The following COL5A2 variants were observed in gnomAD, a reference collection of about 807,000 sequenced individuals.
COL5A2 encodes collagen type V alpha 2 chain, also known as collagen alpha-2(V) chain.
COL5A2 carries 23 observed loss-of-function variants against 208.2 expected under a neutral mutation model. The observed-to-expected ratio is 0.11, with a 90% CI of 0.08 to 0.16. The LOEUF is 0.16. Among genes scored for constraint, COL5A2 ranks in the 10% least tolerant of loss-of-function variants. The pLI is 1.00. For missense variants in COL5A2, 1,590 were observed against 1,956.4 expected (o/e 0.81, Z 3.53); for synonymous variants, 625 against 628.5 (o/e 0.99, Z 0.08).
the COL5A2 span, among the ~76,000 whole-genome samples, chr2:189,269,450 C>T: frequency 4.0e-5 from 6 of 151,882 alleles, no homozygotes; most frequent in East Asian, 1.9e-4. Flanking sequence ...AGGATGAAAG[C>T]GCGTTGAATT....
intron 24 of COL5A2, 43 bp downstream of exon 24, chr2:189,064,961 A>T: frequency 1.3e-6 from 2 of 1,594,406 alleles, no homozygotes; most frequent in South Asian, 1.1e-5. Context: ...CATCTTCTGG[A>T]GCACCCCCCA....
chr2:189,262,972 C>T, the COL5A2 span, among the ~76,000 whole-genome samples: 3 of 152,024 alleles, frequency 2.0e-5, no homozygotes, highest in Admixed American at 2.0e-4. Flanking sequence ...AAATTTATTA[C>T]ATATTAAAAC....
the COL5A2 span, among the ~76,000 whole-genome samples, chr2:189,317,880 G>A: frequency 1.3e-5 from 2 of 152,058 alleles, no homozygotes; most frequent in African/African-American, 2.4e-5. Flanking sequence ...TGACTAGCTG[G>A]TATTCAAAAT....
chr2:189,053,455 G>A lies in COL5A2; in HGVS notation c.2522C>T (p.Pro841Leu), dbSNP rs2105565020. Residue 841 changes from proline to leucine, a missense_variant, in exon 38 of 54, where the codon CCA becomes CTA. Physicochemically the swap from Pro to Leu is moderately conservative, Grantham distance 98 (BLOSUM62 -3). Transcript: ENST00000374866. ...GNPGSRGENG[P>L]TGAVGFAGPQ... ...TCCGGCAAAACCAACAGCTCCAGTT[G>A]GCCCATTTTCACCTCGAGAACCCTA... 1 of 1,613,764 alleles carries A rather than the reference G, an allele frequency of 6.2e-7. No homozygotes were observed. Among genetic ancestry groups the A allele is most frequent in the Non-Finnish European group, 8.5e-7 (1 of 1,179,844 alleles).
At chr2:189,252,545 A>G in the COL5A2 span, among the ~76,000 whole-genome samples, 1 of 151,508 alleles carries the variant, frequency 6.6e-6, no homozygotes, top group African/African-American at 2.4e-5. Context: ...TCTCACTCAC[A>G]GGTGGGAATT....
chr2:189,271,989 T>A, the COL5A2 span, among the ~76,000 whole-genome samples: 3 of 152,246 alleles, frequency 2.0e-5, no homozygotes, highest in South Asian at 2.1e-4. Flanking sequence ...AGAATGGCGA[T>A]CATTAAAAAG....
the COL5A2 span, among the ~76,000 whole-genome samples, chr2:189,424,158 T>TA: frequency 6.6e-6 from 1 of 152,172 alleles, no homozygotes; most frequent in African/African-American, 2.4e-5. Context: ...TTTTAATGAT[T>TA]AAAAAACTGT....
chr2:189,362,364 C>A, the COL5A2 span, among the ~76,000 whole-genome samples: 19 of 152,194 alleles, frequency 1.2e-4, no homozygotes, highest in Non-Finnish European at 1.6e-4. Context: ...CAACTTACAC[C>A]TAAAACAGAT....
At chr2:189,140,610 C>G (rs542093123) in intron 1 of COL5A2, among the ~76,000 whole-genome samples, 2 of 152,212 alleles carry the variant, frequency 1.3e-5, no homozygotes, top group East Asian at 3.9e-4. Context: ...TCAAAATGTA[C>G]AAAGCTATAG....
chr2:189,435,076 A>C, the COL5A2 span, among the ~76,000 whole-genome samples: 1 of 152,248 alleles, frequency 6.6e-6, no homozygotes, highest in Non-Finnish European at 1.5e-5. Flanking sequence ...GAAATGGGGA[A>C]AGGATTCCCT....
intron 10 of COL5A2, 92 bp downstream of exon 10, chr2:189,085,627 G>A: frequency 9.4e-7 from 1 of 1,061,650 alleles, no homozygotes; most frequent in Admixed American, 1.8e-5. Context: ...CTACATTAGG[G>A]AGGACCTGGG....
intron 23 of COL5A2, 76 bp downstream of exon 23, chr2:189,066,314 T>G: frequency 7.5e-7 from 1 of 1,338,372 alleles, no homozygotes; most frequent in Middle Eastern, 1.9e-4. Context: ...ACTGTTCTAG[T>G]TTTCCTTACT....
chr2:189,116,931 T>A (rs1269910646), intron 1 of COL5A2, among the ~76,000 whole-genome samples: 3 of 152,212 alleles, frequency 2.0e-5, no homozygotes, highest in Non-Finnish European at 2.9e-5. Flanking sequence ...TCAATGCATT[T>A]CAGTGAGCAT....
chr2:189,404,962 T>C, the COL5A2 span, among the ~76,000 whole-genome samples: 3 of 152,198 alleles, frequency 2.0e-5, no homozygotes, highest in African/African-American at 7.2e-5. Context: ...TTACTACCTA[T>C]GTGATTTTGG....
chr2:189,366,727 G>T, the COL5A2 span, among the ~76,000 whole-genome samples: 1 of 152,322 alleles, frequency 6.6e-6, no homozygotes, highest in East Asian at 1.9e-4. Context: ...TTTATGGCAA[G>T]CTGACTGAAG....
the COL5A2 span, among the ~76,000 whole-genome samples, chr2:189,321,311 T>C: frequency 6.6e-6 from 1 of 152,144 alleles, no homozygotes; most frequent in South Asian, 2.1e-4. Flanking sequence ...AATTCACACA[T>C]AACAATATTA....
At chr2:189,378,930 T>C in the COL5A2 span, among the ~76,000 whole-genome samples, 32 of 152,316 alleles carry the variant, frequency 2.1e-4, no homozygotes, top group African/African-American at 7.0e-4. Flanking sequence ...TATTTTATTA[T>C]ATGATACAGG....
rs1426460695 is a variant in COL5A2 at position 189,179,595 on chromosome 2, T to C, written c.10A>G (p.Asn4Asp). The C allele has an allele frequency of 2.5e-6, 4 of 1,605,422 alleles. No homozygotes were observed. In the African/African-American group the frequency reaches 4.0e-5, roughly 16 times the overall value. Reference protein sequence around the residue: MMANWAEARPLLIL... With the variant: MMADWAEARPLLIL... ...AGGAGAGGTCTTGCTTCCGCCCAGT[T>C]TGCCATCATGTCTAAATATTAGACA... Residue 4 changes from asparagine to aspartate, a missense_variant, in exon 1 of 54, where the codon AAC (asparagine) becomes GAC (aspartate). Asn to Asp is a conservative substitution (Grantham distance 23). Transcript: ENST00000374866.
At chr2:189,258,338 A>G in the COL5A2 span, among the ~76,000 whole-genome samples, 2 of 152,182 alleles carry the variant, frequency 1.3e-5, no homozygotes, top group African/African-American at 4.8e-5. Flanking sequence ...ACTGGTCCAT[A>G]AAAACTAAAA....
Sources: gnomAD v4.1 joint callset for allele counts (sites outside exome capture counted in the v4.1 genomes callset) on GRCh38, gnomAD v4.1.1 for gene constraint, MANE v1.5 for transcripts, NCBI Gene and HGNC (gene_info 2026-07-23, HGNC 2026-07-21) for gene names.